Variants in SMARCA2 observed in about 807,000 individuals in gnomAD.
The protein encoded by SMARCA2 is SWI/SNF-related matrix-associated actin-dependent regulator of chromatin subfamily A member 2.
SMARCA2 carries 61 observed loss-of-function variants against 199.8 expected under a neutral mutation model. The observed-to-expected ratio is 0.31, with a 90% CI of 0.25 to 0.38. SMARCA2 has a LOEUF of 0.38. Among genes scored for constraint, SMARCA2 ranks in the 10% least tolerant of loss-of-function variants. The pLI is 1.00. For missense variants in SMARCA2, 1,344 were observed against 2,012.2 expected, an observed-to-expected ratio of 0.67 and a Z score of 6.35; for synonymous variants, 935 against 732.0, an observed-to-expected ratio of 1.28 and a Z score of -4.48.
rs774383378 is a variant in SMARCA2, at chr9:2,086,670, G to T, written c.2527-159G>T. Among the ~76,000 whole-genome samples, 1 of 152,154 alleles carries T rather than the reference G, an allele frequency of 6.6e-6. No homozygotes were observed. The highest frequency in any genetic ancestry group is 6.5e-5 in the Admixed American group (1 of 15,276). ...ATAGGATGTCTTATGCGGCCTATCA[G>T]GCATGAGACATTGTTGAGATTCCCT... On this transcript the variant is annotated intron_variant, in intron 17 of 33. Coordinates refer to ENST00000349721, the MANE Select transcript of SMARCA2 (RefSeq NM_003070.5). This position sits in a 1 kb window ranked among gnomAD's most constrained non-coding sequence, Gnocchi z 4.3.
chr9:2,189,692 A>G (rs1429467395), intron 32 of SMARCA2, among the ~76,000 whole-genome samples: 1 of 151,986 alleles, frequency 6.6e-6, no homozygotes, highest in East Asian at 1.9e-4. Flanking sequence ...ATAGCTTGTC[A>G]AGCAGCAGAC....
At position 2,104,228 on chromosome 9, in the gene SMARCA2, G is replaced by A; in HGVS notation, c.3292+59G>A. 1.4e-6 allele frequency: 2 copies of A among 1,456,114 alleles called. No homozygotes were observed. Among genetic ancestry groups the A allele is most frequent in the Non-Finnish European group, 1.9e-6 (2 of 1,052,366 alleles). 90.2% of individuals were successfully genotyped at this position (1,456,114 alleles called of 1,614,324 possible). On this transcript the variant is annotated intron_variant, in intron 23 of 33. Coordinates refer to ENST00000349721, the MANE Select transcript of SMARCA2 (RefSeq NM_003070.5). The surrounding 1 kb of genome is among the most constrained non-coding windows in gnomAD (Gnocchi z 4.0). The stretch of plus-strand genomic sequence containing the variant: ...ACTACTGAAAATGAAGGGATAATGG[G>A]CACTTAGGTCCAATCTCAGCCAAAA...
chr9:2,103,196 G>C (rs768381678), intron 22 of SMARCA2, among the ~76,000 whole-genome samples: 6 of 152,140 alleles, frequency 3.9e-5, no homozygotes, highest in Admixed American at 6.5e-5. Context: ...TAAAGATCCA[G>C]ATTGTAAATA....
chr9:2,062,090 C>T (rs1820619072), intron 9 of SMARCA2, among the ~76,000 whole-genome samples: 1 of 151,982 alleles, frequency 6.6e-6, no homozygotes, highest in Non-Finnish European at 1.5e-5. Context: ...TAGTGAGGAA[C>T]ATATACGTAA....
chr9:2,081,767 G>A (rs1821577163), intron 14 of SMARCA2, 65 bp from the exon 15 acceptor site: 1 of 1,466,916 alleles, frequency 6.8e-7, no homozygotes, highest in East Asian at 2.3e-5. Context: ...CCCTCACTTG[G>A]GTTGTATTAG....
At chr9:2,080,659 T>C (rs1435064725) in intron 14 of SMARCA2, among the ~76,000 whole-genome samples, 2 of 152,184 alleles carry the variant, frequency 1.3e-5, no homozygotes, top group Non-Finnish European at 2.9e-5. Context: ...TCTCTTGTTG[T>C]TGTTGTAGTT....
intron 27 of SMARCA2, chr9:2,159,075 T>C: frequency 6.8e-7 from 1 of 1,460,866 alleles, no homozygotes; most frequent in Non-Finnish European, 9.4e-7. Flanking sequence ...TCAGTTGTTC[T>C]GTTTGCAATT....
intron 2 of SMARCA2, among the ~76,000 whole-genome samples, chr9:2,030,970 A>T (rs1389242110): frequency 6.6e-6 from 1 of 152,242 alleles, no homozygotes; most frequent in Non-Finnish European, 1.5e-5. Flanking sequence ...CAATACTGAG[A>T]TAAACAGATA....
At chr9:2,171,599 C>A (rs1018849675) in intron 29 of SMARCA2, among the ~76,000 whole-genome samples, 1 of 152,152 alleles carries the variant, frequency 6.6e-6, no homozygotes, top group African/African-American at 2.4e-5. Flanking sequence ...CATTGAGAAA[C>A]GTCAGGAATT....
chr9:2,095,359 C>T (rs1400644959), intron 19 of SMARCA2, among the ~76,000 whole-genome samples: 1 of 152,080 alleles, frequency 6.6e-6, no homozygotes, highest in South Asian at 2.1e-4. Context: ...GCTGGGACTG[C>T]AGGCGTGAGC....
chr9:2,125,678 C>T (rs555884370), intron 27 of SMARCA2, among the ~76,000 whole-genome samples: 6 of 152,024 alleles, frequency 3.9e-5, no homozygotes, highest in East Asian at 3.9e-4. Context: ...TTAGTAGAGA[C>T]GGGGTTTCAC....
At chr9:2,154,588 G>C (rs1044397558) in intron 27 of SMARCA2, among the ~76,000 whole-genome samples, 1 of 152,114 alleles carries the variant, frequency 6.6e-6, no homozygotes, top group Non-Finnish European at 1.5e-5. Context: ...CAGTAGCGTG[G>C]AACCCTGGAT....
chr9:2,152,584 G>T (rs748659045), intron 27 of SMARCA2, among the ~76,000 whole-genome samples: 11 of 149,678 alleles, frequency 7.3e-5, no homozygotes, highest in Non-Finnish European at 7.4e-5. Context: ...GGGTGCATTG[G>T]CTCACACCTG....
chr9:2,082,751 A>T (rs975215495), intron 15 of SMARCA2, among the ~76,000 whole-genome samples: 2 of 152,198 alleles, frequency 1.3e-5, no homozygotes, highest in African/African-American at 2.4e-5. Flanking sequence ...TTCTATTAAT[A>T]TTATTGTGTT....
rs556345794 is a variant in SMARCA2 at position 2,044,875 on chromosome 9, T to A, written c.791-2354T>A. ...CAGGTGAATCAACAAAATTAGAATATCTTTCTATTTAGTGACTGAAGAAGG... is the reference window on the plus strand; with the variant it reads ...CAGGTGAATCAACAAAATTAGAATAACTTTCTATTTAGTGACTGAAGAAGG... On this transcript the variant is annotated intron_variant, in intron 4 of 33. Coordinates refer to ENST00000349721, the MANE Select transcript of SMARCA2 (RefSeq NM_003070.5). 2.6e-5 allele frequency: 4 copies of A among 152,244 alleles called. No individual in the cohort carries two copies. The South Asian group carries it at 8.3e-4, about 31-fold the overall frequency. The allele number at this position is 152,244 out of a possible 1,614,324, so 9.4% of individuals were successfully genotyped here.
intron 27 of SMARCA2, among the ~76,000 whole-genome samples, chr9:2,140,199 C>G (rs1824397783): frequency 6.6e-6 from 1 of 152,180 alleles, no homozygotes; most frequent in Non-Finnish European, 1.5e-5. Context: ...TGCATACTGT[C>G]TAGAAGAATA....
In SMARCA2 at chr9:2,070,437, A is replaced by T. The variant is rs759607496; in HGVS notation, c.1712A>T (p.Glu571Val). ...TTGCAGAAGGCTGAGGAGAATGCAG[A>T]GGGTGGGGAGTCTGCCCTGGGACCG... ...RRKKKAEENA[E>V]GGESALGPDG... The change falls in exon 10 of 34, where the codon GAG becomes GTG. Residue 571 changes from glutamate to valine, a missense_variant. Physicochemically the swap from Glu to Val is moderately radical, Grantham distance 121 (BLOSUM62 -2). Around this residue, in one of 18 missense-constraint regions of SMARCA2, gnomAD observed 68 missense variants for 70.4 expected, o/e 0.97. Coordinates refer to ENST00000349721, the MANE Select transcript of SMARCA2 (RefSeq NM_003070.5). 2 of 1,613,942 alleles carry T rather than the reference A, an allele frequency of 1.2e-6. No individual in the cohort carries two copies. Among genetic ancestry groups the T allele is most frequent in the South Asian group, 2.2e-5 (2 of 91,074 alleles).
intron 27 of SMARCA2, among the ~76,000 whole-genome samples, chr9:2,149,514 C>CT: frequency 6.6e-6 from 1 of 151,428 alleles, no homozygotes. Context: ...AGTGAGACTC[C>CT]TCAAAAAAAC....
intron 29 of SMARCA2, among the ~76,000 whole-genome samples, chr9:2,172,728 G>A (rs1254814992): frequency 1.3e-5 from 2 of 152,114 alleles, no homozygotes; most frequent in Non-Finnish European, 1.5e-5. Context: ...GGAGGCCAAC[G>A]GAGAGCACAC....
Sources: allele counts gnomAD v4.1 joint callset (sites outside exome capture counted in the v4.1 genomes callset), GRCh38; gene constraint gnomAD v4.1.1; regional missense constraint gnomAD v4.1.1; non-coding constraint Gnocchi (gnomAD v3.1); transcripts MANE v1.5; gene names NCBI Gene and HGNC (gene_info 2026-07-23, HGNC 2026-07-21).